The following MACROD2 variants were observed in gnomAD, a reference collection of about 807,000 sequenced individuals.
MACROD2 encodes the protein mono-ADP ribosylhydrolase 2.
Under a neutral mutation model 70.4 loss-of-function variants are expected in MACROD2, and 36 were observed. That is an observed-to-expected ratio of 0.51 (90% CI 0.39 to 0.68). MACROD2 has a LOEUF of 0.68. Ranked by LOEUF, MACROD2 falls within the 30% of genes least tolerant of loss-of-function variation. The pLI is 0.00. For synonymous variants in MACROD2, 172 were observed against 178.8 expected, an observed-to-expected ratio of 0.96 and a Z score of 0.30; for missense variants, 496 against 538.4, an observed-to-expected ratio of 0.92 and a Z score of 0.78.
chr20:15,119,091 C>G (rs1012606502), intron 5 of MACROD2, among the ~76,000 whole-genome samples: 2 of 152,180 alleles, frequency 1.3e-5, no homozygotes, highest in African/African-American at 4.8e-5. Flanking sequence ...AGTAATTAAT[C>G]TCTTCTGTTG....
chr20:14,850,185 A>G (rs984257357), intron 5 of MACROD2: 7 of 317,096 alleles, frequency 2.2e-5, no homozygotes, highest in African/African-American at 1.5e-4. Context: ...CTGGAAAACA[A>G]AAAGCATGAA....
At chr20:14,894,925 CTGAT>C (rs1207778079) in intron 5 of MACROD2, 1 of 152,038 alleles carries the variant, frequency 6.6e-6, no homozygotes, top group African/African-American at 2.4e-5. Context: ...CAGAAAGTAA[CTGAT>C]TGATTGCAAT....
intron 3 of MACROD2, among the ~76,000 whole-genome samples, chr20:14,275,269 G>C (rs1310996324): frequency 1.3e-5 from 2 of 152,114 alleles, no homozygotes; most frequent in East Asian, 1.9e-4. Context: ...CATGGTACTG[G>C]TACCCAAACA....
At chr20:14,560,879 TTC>T (rs1192538955) in intron 4 of MACROD2, among the ~76,000 whole-genome samples, 1 of 151,894 alleles carries the variant, frequency 6.6e-6, no homozygotes, top group Non-Finnish European at 1.5e-5. Context: ...ACCTCTTAAT[TTC>T]TCTCTTATGA....
intron 13 of MACROD2, among the ~76,000 whole-genome samples, chr20:15,984,149 C>T (rs1050872263): frequency 2.0e-5 from 3 of 151,932 alleles, no homozygotes; most frequent in South Asian, 2.1e-4. Context: ...TGTTAAAGAG[C>T]AGGTTGATGC....
At chr20:15,868,473 C>A (rs2064524618) in intron 9 of MACROD2, among the ~76,000 whole-genome samples, 1 of 152,092 alleles carries the variant, frequency 6.6e-6, no homozygotes, top group Non-Finnish European at 1.5e-5. Flanking sequence ...ATGATCATTA[C>A]ATAGGTTTTA....
At chr20:15,332,468 A>G (rs930060636) in intron 6 of MACROD2, among the ~76,000 whole-genome samples, 1 of 151,594 alleles carries the variant, frequency 6.6e-6, no homozygotes, top group African/African-American at 2.4e-5. Context: ...CAATTATAAT[A>G]TATGTGATGA....
chr20:14,642,711 G>A (rs1486096324), intron 4 of MACROD2, among the ~76,000 whole-genome samples: 2 of 152,132 alleles, frequency 1.3e-5, no homozygotes, highest in East Asian at 3.8e-4. Flanking sequence ...TATCAATTAT[G>A]TTCTCCTTTT....
At position 15,848,364 on chromosome 20, in the gene MACROD2, GGA is replaced by G. The variant is rs140051141; in HGVS notation, c.646-14379_646-14378del. On this transcript the variant is annotated intron_variant, in intron 8 of 17. Coordinates refer to ENST00000684519, the MANE Select transcript of MACROD2 (RefSeq NM_001351661.2). ...GCCAAAGTCACTGTACAAGCCAGGG[GGA>G]GGGGGGGGTCATCTTCCTCAAGGAT... Among the ~76,000 whole-genome samples, 347 of 152,082 alleles carry G rather than the reference GGA, an allele frequency of 2.3e-3. 1 individual carries two copies. The highest frequency in any genetic ancestry group is 7.9e-3 in the African/African-American group (326 of 41,436).
At chr20:15,374,237 A>G (rs1022757313) in intron 6 of MACROD2, among the ~76,000 whole-genome samples, 2 of 151,914 alleles carry the variant, frequency 1.3e-5, no homozygotes, top group African/African-American at 4.8e-5. Flanking sequence ...TATCATATAT[A>G]TAATCACATA....
chr20:14,788,763 G>GGT (rs2072407319), intron 5 of MACROD2, among the ~76,000 whole-genome samples: 1 of 79,476 alleles, frequency 1.3e-5, no homozygotes, highest in Admixed American at 1.8e-4. Flanking sequence ...TAGTGGTGGT[G>GGT]TTTTTTTTTT....
chr20:15,572,604 A>G (rs749890745), intron 8 of MACROD2, among the ~76,000 whole-genome samples: 5 of 152,124 alleles, frequency 3.3e-5, no homozygotes, highest in Non-Finnish European at 7.4e-5. Context: ...GTTTATACTA[A>G]CAGTACAGTT....
At chr20:15,466,967 G>C (rs996365946) in intron 7 of MACROD2, among the ~76,000 whole-genome samples, 2 of 152,216 alleles carry the variant, frequency 1.3e-5, no homozygotes, top group African/African-American at 4.8e-5. Flanking sequence ...TATTGCAAAT[G>C]CACTGGGTGC....
chr20:14,099,510 G>T (rs1201331576), intron 3 of MACROD2, among the ~76,000 whole-genome samples: 1 of 152,094 alleles, frequency 6.6e-6, no homozygotes, highest in Non-Finnish European at 1.5e-5. Flanking sequence ...AGATGTAGAT[G>T]ATTCATTATC....
chr20:15,369,906 T>G (rs1036823407), intron 6 of MACROD2, among the ~76,000 whole-genome samples: 1 of 152,184 alleles, frequency 6.6e-6, no homozygotes, highest in African/African-American at 2.4e-5. Flanking sequence ...ATGTGGCATT[T>G]TAATTCTTGC....
intron 5 of MACROD2, chr20:14,757,959 C>G: frequency 2.2e-6 from 2 of 925,606 alleles, no homozygotes; most frequent in African/African-American, 3.2e-5. Context: ...GCTGTGCCCC[C>G]TGGTGCCGAC....
chr20:14,634,820 T>C (rs924378044), intron 4 of MACROD2, among the ~76,000 whole-genome samples: 1 of 152,150 alleles, frequency 6.6e-6, no homozygotes, highest in Non-Finnish European at 1.5e-5. Flanking sequence ...TTTGCCAGAG[T>C]ATAATAGCTC....
intron 8 of MACROD2, among the ~76,000 whole-genome samples, chr20:15,838,934 G>A (rs934150067): frequency 6.6e-5 from 10 of 152,074 alleles, no homozygotes; most frequent in Admixed American, 6.6e-5. Context: ...TTTGGAGGAC[G>A]GCTTTGGGTA....
At chr20:14,230,659 C>T (rs1395936659) in intron 3 of MACROD2, among the ~76,000 whole-genome samples, 41 of 43,942 alleles carry the variant, frequency 9.3e-4, no homozygotes, top group African/African-American at 5.0e-3. Flanking sequence ...ATATATAACA[C>T]AGGCTGGGCC....
Sources: gnomAD v4.1 joint callset for allele counts (sites outside exome capture counted in the v4.1 genomes callset) on GRCh38, gnomAD v4.1.1 for gene constraint, MANE v1.5 for transcripts, NCBI Gene and HGNC (gene_info 2026-07-23, HGNC 2026-07-21) for gene names.